The following FBXO33 variants were observed in gnomAD, a reference collection of about 807,000 sequenced individuals.
FBXO33 encodes the protein F-box protein 33, also known as F-box only protein 33.
A neutral mutation model predicts 46.3 loss-of-function variants in FBXO33; 22 were observed. The ratio of observed to expected loss-of-function variants is 0.48; its 90% CI spans 0.34 to 0.68. The LOEUF is 0.68. Ranked by LOEUF, FBXO33 falls within the 30% of genes least tolerant of loss-of-function variation. The pLI is 0.01. For synonymous variants in FBXO33, 337 were observed against 291.3 expected (o/e 1.16, Z -1.60); for missense variants, 692 against 708.8 (o/e 0.98, Z 0.27).
At chr14:39,411,555 C>T (rs2075423086) in intron 1 of FBXO33, among the ~76,000 whole-genome samples, 1 of 150,964 alleles carries the variant, frequency 6.6e-6, no homozygotes. Flanking sequence ...AAGAGTCTCG[C>T]ACTGTCACCC....
chr14:39,429,017 C>T (rs1184287736), intron 1 of FBXO33, among the ~76,000 whole-genome samples: 2 of 152,062 alleles, frequency 1.3e-5, no homozygotes, highest in African/African-American at 4.8e-5. Context: ...ATTAGTTGTT[C>T]CTAAAACCTA....
intron 1 of FBXO33, among the ~76,000 whole-genome samples, chr14:39,414,841 T>C (rs572746767): frequency 1.3e-5 from 2 of 151,970 alleles, no homozygotes; most frequent in Non-Finnish European, 2.9e-5. Flanking sequence ...TTAAAATATT[T>C]TGTAGGGATG....
chr14:39,416,945 C>G (rs1055902077), intron 1 of FBXO33, among the ~76,000 whole-genome samples: 2 of 152,134 alleles, frequency 1.3e-5, no homozygotes, highest in African/African-American at 4.8e-5. Flanking sequence ...TTTGAAGAAA[C>G]AGTACTTTTT....
At chr14:39,409,972 T>C (rs966075958) in intron 1 of FBXO33, among the ~76,000 whole-genome samples, 1 of 152,202 alleles carries the variant, frequency 6.6e-6, no homozygotes, top group African/African-American at 2.4e-5. Context: ...TATAATGCCA[T>C]GTCATCTGCA....
intron 1 of FBXO33, among the ~76,000 whole-genome samples, chr14:39,405,496 G>T (rs1179265194): frequency 5.0e-5 from 4 of 80,188 alleles, no homozygotes; most frequent in South Asian, 3.7e-4. Flanking sequence ...GGAATTTTTT[G>T]GGGGGGTGTG....
intron 1 of FBXO33, among the ~76,000 whole-genome samples, chr14:39,416,828 T>C (rs1363313830): frequency 6.6e-6 from 1 of 152,196 alleles, no homozygotes; most frequent in African/African-American, 2.4e-5. Flanking sequence ...AATTAATACA[T>C]CCACTTTTTT....
chr14:39,409,274 G>A (rs1483953110), intron 1 of FBXO33, among the ~76,000 whole-genome samples: 6 of 152,046 alleles, frequency 3.9e-5, no homozygotes, highest in Non-Finnish European at 8.8e-5. Flanking sequence ...CATGGTCTAC[G>A]ATAGGATCCA....
Position 39,401,457 on chromosome 14 carries a change from A to G in FBXO33, c.1115T>C (p.Val372Ala), listed in dbSNP as rs2075368234. ...ALSRKSTSFR[V>A]YIMAFDIKSE... ...CTTGATATCAAAAGCCATTATATAG[A>G]CCCGAAAGCTGGTGCTCTTTCGTGA... The change falls in exon 3 of 4, where the codon GTC (valine) becomes GCC (alanine). Residue 372 changes from valine to alanine, a missense_variant. Physicochemically the swap from Val to Ala is moderately conservative, Grantham distance 64. Coordinates refer to ENST00000298097, the MANE Select transcript of FBXO33 (RefSeq NM_203301.4). 6.2e-7 allele frequency: 1 copy of G among 1,613,996 alleles called. No individual in the cohort carries two copies. Among genetic ancestry groups the G allele is most frequent in the Non-Finnish European group, 8.5e-7 (1 of 1,180,032 alleles).
intron 1 of FBXO33, among the ~76,000 whole-genome samples, chr14:39,427,183 T>C (rs934073525): frequency 6.6e-5 from 10 of 152,226 alleles, no homozygotes; most frequent in African/African-American, 2.2e-4. Flanking sequence ...TTTAACTTTT[T>C]TTTCCTTGAG....
Position 39,431,965 on chromosome 14 carries a change from C to G in FBXO33, c.198G>C (p.Ala66=). 6.5e-7 allele frequency: 1 copy of G among 1,527,004 alleles called. No homozygotes were observed. The highest frequency in any genetic ancestry group is 8.7e-7 in the Non-Finnish European group (1 of 1,143,248). 94.6% of individuals were successfully genotyped at this position (1,527,004 alleles called of 1,614,324 possible). A position where few individuals can be genotyped will look rare whatever the true frequency, so the allele number is the denominator to read the frequency against. Reference sequence around the variant, plus strand: ...GCTCGCTGGGCAGCGACGCAGCGCCCGCCGCCTGCCCGCACAGAGCCATCC... The same window carrying G: ...GCTCGCTGGGCAGCGACGCAGCGCCGGCCGCCTGCCCGCACAGAGCCATCC... The part of the protein sequence containing the change: ...RGRMALCGQA[A]GAASLPSELI... Residue 66 remains alanine, a synonymous_variant, in exon 1 of 4, where the codon GCG becomes GCC. Transcript: ENST00000298097.
chr14:39,420,681 ACT>A (rs1384895761), intron 1 of FBXO33, among the ~76,000 whole-genome samples: 23 of 151,946 alleles, frequency 1.5e-4, no homozygotes, highest in Admixed American at 1.3e-3. Flanking sequence ...ACAGAGCGAA[ACT>A]CTGTCTCAAA....
At chr14:39,404,453 A>G (rs2075383118) in intron 1 of FBXO33, among the ~76,000 whole-genome samples, 1 of 152,030 alleles carries the variant, frequency 6.6e-6, no homozygotes, top group Non-Finnish European at 1.5e-5. Context: ...CAGCCTCCCG[A>G]GTAGCTGGGA....
chr14:39,431,801 T>C lies in FBXO33; in HGVS notation c.362A>G (p.Glu121Gly). 1 of 1,611,646 alleles carries C rather than the reference T, an allele frequency of 6.2e-7. No individual in the cohort carries two copies. The highest frequency in any genetic ancestry group is 8.5e-7 in the Non-Finnish European group (1 of 1,179,876). The change falls in exon 1 of 4, where the codon GAG (glutamate) becomes GGG (glycine). Residue 121 changes from glutamate to glycine, a missense_variant. Transcript: ENST00000298097. ...CATGAGGAATTCCAGCCGAGGCTGC[T>C]CCGCGGGCGAGACGCGGAGGCAGAT... ...LRICLRVSPA[E>G]QPRLEFLMRK...
intron 1 of FBXO33, among the ~76,000 whole-genome samples, chr14:39,403,132 T>C (rs2075376713): frequency 6.6e-6 from 1 of 152,154 alleles, no homozygotes; most frequent in Admixed American, 6.5e-5. Context: ...ATAATTACAA[T>C]ATAAACATGT....
chr14:39,398,406 T>C lies in FBXO33; in HGVS notation c.*1110A>G, dbSNP rs1225078699. The C allele has an allele frequency of 5.2e-5, 8 of 152,506 alleles. No individual in the cohort carries two copies. The highest frequency in any genetic ancestry group is 2.0e-4 in the Admixed American group (3 of 15,280). The allele number at this position is 152,506 out of a possible 1,614,324, so 9.4% of individuals were successfully genotyped here. On this transcript the variant is annotated 3_prime_UTR_variant, in exon 4 of 4. Transcript: ENST00000298097. Reference sequence around the variant, plus strand: ...CCTGTGATAGAACAAGCTTTCAGTTTTTCCTTTCTTTCCTTTACATTCACT... The same window carrying C: ...CCTGTGATAGAACAAGCTTTCAGTTCTTCCTTTCTTTCCTTTACATTCACT...
intron 1 of FBXO33, among the ~76,000 whole-genome samples, chr14:39,418,189 G>A (rs949409048): frequency 6.6e-6 from 1 of 151,144 alleles, no homozygotes. Context: ...TCAGCCTCCC[G>A]AGTAGCTGGG....
Position 39,431,566 on chromosome 14 carries a change from G to C in FBXO33, c.597C>G (p.Asn199Lys), listed in dbSNP as rs374930407. ...GGCGGGGCTCAGGGCAAGCCTACCT[G>C]TTGTTCCGGATGCTGACCAGCACGC... Reference protein sequence around the residue: ...VLCVLVSIRNNRNLQKFSLFG... With the variant: ...VLCVLVSIRNKRNLQKFSLFG... The change falls in exon 1 of 4, where the codon AAC (asparagine) becomes AAG (lysine). Residue 199 changes from asparagine to lysine, a missense_variant and splice_region_variant. Asn to Lys is a moderately conservative substitution (Grantham distance 94, BLOSUM62 0). This residue lies in a region of FBXO33 where 412 missense variants were observed against 370.8 expected (regional missense o/e 1.11). Transcript: ENST00000298097. 1 of 1,611,808 alleles carries C rather than the reference G, an allele frequency of 6.2e-7. No individual in the cohort carries two copies. Among genetic ancestry groups the C allele is most frequent in the African/African-American group, 1.3e-5 (1 of 74,950 alleles).
At chr14:39,428,661 T>C (rs561266274) in intron 1 of FBXO33, among the ~76,000 whole-genome samples, 3 of 152,318 alleles carry the variant, frequency 2.0e-5, no homozygotes, top group African/African-American at 7.2e-5. Context: ...TGACTGAGTC[T>C]ATTACCTATT....
chr14:39,427,347 A>G (rs1243069968), intron 1 of FBXO33, among the ~76,000 whole-genome samples: 1 of 152,096 alleles, frequency 6.6e-6, no homozygotes, highest in Non-Finnish European at 1.5e-5. Flanking sequence ...TTCAGTTTTT[A>G]GGTAAGGAGC....
Sources: allele counts gnomAD v4.1 joint callset (sites outside exome capture counted in the v4.1 genomes callset), GRCh38; gene constraint gnomAD v4.1.1; regional missense constraint gnomAD v4.1.1; transcripts MANE v1.5; gene names NCBI Gene and HGNC (gene_info 2026-07-23, HGNC 2026-07-21).